Variants in ARHGAP15 observed in about 807,000 individuals in gnomAD.
ARHGAP15 encodes rho GTPase-activating protein 15.
A neutral mutation model predicts 63.7 loss-of-function variants in ARHGAP15; 51 were observed. The ratio of observed to expected loss-of-function variants is 0.80; its 90% CI spans 0.64 to 1.01. The LOEUF (loss-of-function observed/expected upper bound fraction) is 1.01, where lower values mean the gene tolerates loss of function less well. Ranked by LOEUF, ARHGAP15 falls within the 50% of genes least tolerant of loss-of-function variation. ARHGAP15 has a pLI of 0.00. For synonymous variants in ARHGAP15, 191 were observed against 193.8 expected, an observed-to-expected ratio of 0.99 and a Z score of 0.12; for missense variants, 560 against 564.6, an observed-to-expected ratio of 0.99 and a Z score of 0.08.
chr2:143,602,665 G>A (rs1461070788), intron 11 of ARHGAP15, among the ~76,000 whole-genome samples: 2 of 151,856 alleles, frequency 1.3e-5, no homozygotes, highest in Admixed American at 6.6e-5. Flanking sequence ...AGGAAGGGAG[G>A]GAGGAAGAAA....
chr2:143,460,358 T>A (rs757492493), intron 8 of ARHGAP15, among the ~76,000 whole-genome samples: 1 of 152,178 alleles, frequency 6.6e-6, no homozygotes, highest in Non-Finnish European at 1.5e-5. Context: ...GACATGTGAC[T>A]ACAATATGTA....
At chr2:143,394,467 T>C (rs1687672885) in intron 6 of ARHGAP15, among the ~76,000 whole-genome samples, 1 of 152,210 alleles carries the variant, frequency 6.6e-6, no homozygotes, top group African/African-American at 2.4e-5. Flanking sequence ...ACCTTGACTC[T>C]ACATTACAGA....
chr2:143,367,972 G>C (rs139027623), intron 6 of ARHGAP15, among the ~76,000 whole-genome samples: 30 of 152,118 alleles, frequency 2.0e-4, no homozygotes, highest in Middle Eastern at 3.4e-3. Context: ...TTTATTGAAA[G>C]ATCAATGGAC....
intron 6 of ARHGAP15, among the ~76,000 whole-genome samples, chr2:143,309,633 G>A (rs928092917): frequency 5.3e-5 from 8 of 152,092 alleles, no homozygotes; most frequent in Middle Eastern, 3.4e-3. Context: ...ATTAGAAAAG[G>A]GGAGGTGGTA....
At chr2:143,359,019 A>C (rs1190173058) in intron 6 of ARHGAP15, among the ~76,000 whole-genome samples, 1 of 152,154 alleles carries the variant, frequency 6.6e-6, no homozygotes, top group Non-Finnish European at 1.5e-5. Flanking sequence ...AAATGTCAAC[A>C]TATTCCATTA....
chr2:143,415,379 A>C (rs1176131120), intron 6 of ARHGAP15, among the ~76,000 whole-genome samples: 1 of 152,212 alleles, frequency 6.6e-6, no homozygotes, highest in Non-Finnish European at 1.5e-5. Context: ...AAGGATTGGC[A>C]GATGAAAAAA....
At chr2:143,537,210 C>A (rs1401225470) in intron 10 of ARHGAP15, among the ~76,000 whole-genome samples, 1 of 151,980 alleles carries the variant, frequency 6.6e-6, no homozygotes, top group Non-Finnish European at 1.5e-5. Flanking sequence ...CCTTTGCCCA[C>A]TTTTTGACGA....
chr2:143,242,116 A>G (rs550309655), intron 5 of ARHGAP15, among the ~76,000 whole-genome samples: 1 of 152,130 alleles, frequency 6.6e-6, no homozygotes, highest in Non-Finnish European at 1.5e-5. Context: ...TGCCTCAGCC[A>G]TGGGAGGCTA....
chr2:143,330,601 T>G (rs1314032113), intron 6 of ARHGAP15, among the ~76,000 whole-genome samples: 1 of 152,320 alleles, frequency 6.6e-6, no homozygotes, highest in Middle Eastern at 3.4e-3. Flanking sequence ...AGTTTTGAAG[T>G]AGCACATACA....
chr2:143,720,466 T>C (rs1685000199), intron 13 of ARHGAP15, among the ~76,000 whole-genome samples: 1 of 152,070 alleles, frequency 6.6e-6, no homozygotes, highest in Non-Finnish European at 1.5e-5. Context: ...CGAGACTCCA[T>C]CAGAAGAGCC....
At chr2:143,397,971 CATT>C (rs1687842002) in intron 6 of ARHGAP15, among the ~76,000 whole-genome samples, 1 of 151,972 alleles carries the variant, frequency 6.6e-6, no homozygotes, top group Non-Finnish European at 1.5e-5. Flanking sequence ...AGACTCTCAT[CATT>C]AACTCCTCTC....
At chr2:143,505,530 A>G (rs993301621) in intron 9 of ARHGAP15, among the ~76,000 whole-genome samples, 2 of 152,240 alleles carry the variant, frequency 1.3e-5, no homozygotes, top group Non-Finnish European at 2.9e-5. Context: ...TGTGTGCATC[A>G]TGGCCTACTA....
intron 6 of ARHGAP15, among the ~76,000 whole-genome samples, chr2:143,382,583 C>T (rs1687105852): frequency 6.6e-6 from 1 of 152,138 alleles, no homozygotes; most frequent in South Asian, 2.1e-4. Flanking sequence ...GACCCTGTAT[C>T]CAAATCCGGT....
intron 6 of ARHGAP15, among the ~76,000 whole-genome samples, chr2:143,336,059 G>A (rs1417883672): frequency 6.6e-6 from 1 of 152,028 alleles, no homozygotes; most frequent in Non-Finnish European, 1.5e-5. Context: ...AGACTGCAGT[G>A]GTGTGATCAA....
intron 9 of ARHGAP15, among the ~76,000 whole-genome samples, chr2:143,492,534 G>A (rs1412528751): frequency 6.6e-6 from 1 of 152,140 alleles, no homozygotes; most frequent in Non-Finnish European, 1.5e-5. Flanking sequence ...CAAAGGAAAA[G>A]GACTGCCTGA....
chr2:143,189,701 A>G (rs1691603154), intron 2 of ARHGAP15, among the ~76,000 whole-genome samples: 1 of 151,954 alleles, frequency 6.6e-6, no homozygotes, highest in Non-Finnish European at 1.5e-5. Context: ...ACCTCAAGTG[A>G]TCCACCCACC....
intron 11 of ARHGAP15, among the ~76,000 whole-genome samples, chr2:143,572,448 A>G (rs1696500192): frequency 6.6e-6 from 1 of 152,084 alleles, no homozygotes; most frequent in Admixed American, 6.6e-5. Context: ...TCTCAGCGTT[A>G]TCATCCCCAT....
intron 8 of ARHGAP15, among the ~76,000 whole-genome samples, chr2:143,478,778 G>C (rs1691941073): frequency 6.6e-6 from 1 of 152,180 alleles, no homozygotes; most frequent in Non-Finnish European, 1.5e-5. Context: ...GAAGAATTAT[G>C]TATAACTTAT....
intron 12 of ARHGAP15, among the ~76,000 whole-genome samples, chr2:143,677,902 G>A (rs1351813631): frequency 1.3e-5 from 2 of 152,154 alleles, no homozygotes; most frequent in Non-Finnish European, 2.9e-5. Context: ...AGGAAGAGAG[G>A]CTTTCTTATG....
Sources: allele counts gnomAD v4.1 joint callset (sites outside exome capture counted in the v4.1 genomes callset), GRCh38; gene constraint gnomAD v4.1.1; transcripts MANE v1.5; gene names NCBI Gene and HGNC (gene_info 2026-07-23, HGNC 2026-07-21).